DLG2: variants seen among roughly 807,000 people sequenced by gnomAD.
DLG2 encodes discs large MAGUK scaffold protein 2, also known as disks large homolog 2.
DLG2 carries 45 observed loss-of-function variants against 132.5 expected under a neutral mutation model. That is an observed-to-expected ratio of 0.34 (90% CI 0.27 to 0.44). DLG2 has a LOEUF of 0.44. Among genes scored for constraint, DLG2 ranks in the 20% least tolerant of loss-of-function variants. DLG2 has a pLI of 1.00. For synonymous variants in DLG2, 424 were observed against 419.6 expected (o/e 1.01, Z -0.13); for missense variants, 1,045 against 1,196.9 (o/e 0.87, Z 1.87).
chr11:85,073,714 T>C (rs544129585), intron 6 of DLG2, among the ~76,000 whole-genome samples: 6 of 151,980 alleles, frequency 3.9e-5, no homozygotes, highest in South Asian at 4.1e-4. Flanking sequence ...AAGTAGGATA[T>C]TGAATTACCA....
At chr11:85,453,165 C>T (rs967408005) in intron 3 of DLG2, 16 of 300,634 alleles carry the variant, frequency 5.3e-5, no homozygotes, top group Admixed American at 4.6e-4. Context: ...TCTTTTCCTT[C>T]TGATAGCATC....
At chr11:84,505,867 A>G (rs2099237918) in intron 7 of DLG2, among the ~76,000 whole-genome samples, 1 of 152,090 alleles carries the variant, frequency 6.6e-6, no homozygotes, top group Admixed American at 6.5e-5. Context: ...AATCTCATAC[A>G]TCTTAGCTTA....
At chr11:84,714,553 C>CTCTCTT (rs780891728) in intron 6 of DLG2, among the ~76,000 whole-genome samples, 7,885 of 108,886 alleles carry the variant, frequency 0.072, 599 homozygotes, top group South Asian at 0.095. Context: ...TTCTCTTTCT[C>CTCTCTT]TCTCTTTCTC....
rs1363976353 is a variant in DLG2 at position 84,934,505 on chromosome 11, TTTTTTTTTTGTTTTGTTTTG to T, written c.357+177136_357+177155del. On this transcript the variant is annotated intron_variant, in intron 6 of 27. Coordinates refer to ENST00000376104, the MANE Select transcript of DLG2 (RefSeq NM_001142699.3). Reference sequence around the variant, plus strand: ...CTGTGAATCTGTATGGTCCTGGGTGTTTTTTTTTTGTTTTGTTTTGTTTTTTTTTTTTTTTTTTTTTGGTG... The same window carrying T: ...CTGTGAATCTGTATGGTCCTGGGTGTTTTTTTTTTTTTTTTTTTTTTGGTG... Among the ~76,000 whole-genome samples the T allele has an allele frequency of 2.9e-4, 20 of 68,638 alleles. No individual in the cohort carries two copies. In the East Asian group the frequency reaches 6.9e-3, roughly 24 times the overall value. 45.0% of individuals were successfully genotyped at this position (68,638 alleles called of 152,430 possible).
chr11:85,109,624 A>C (rs149194418), intron 6 of DLG2, among the ~76,000 whole-genome samples: 1 of 152,260 alleles, frequency 6.6e-6, no homozygotes, highest in East Asian at 1.9e-4. Flanking sequence ...AAGTTCTTAT[A>C]TTAATATTTT....
At chr11:84,330,199 A>C (rs2098452339) in intron 7 of DLG2, among the ~76,000 whole-genome samples, 1 of 152,208 alleles carries the variant, frequency 6.6e-6, no homozygotes, top group Admixed American at 6.5e-5. Flanking sequence ...TGTAGTGCTT[A>C]TGAACAGAGA....
chr11:84,902,955 C>CT (rs1226203903), intron 6 of DLG2, among the ~76,000 whole-genome samples: 1 of 115,888 alleles, frequency 8.6e-6, no homozygotes, highest in Non-Finnish European at 2.0e-5. Context: ...AGGGTTCTTT[C>CT]TTCCTTTCCC....
intron 3 of DLG2, among the ~76,000 whole-genome samples, chr11:85,321,830 A>G (rs2081089319): frequency 6.6e-6 from 1 of 152,084 alleles, no homozygotes; most frequent in Non-Finnish European, 1.5e-5. Flanking sequence ...TGACGTGGTC[A>G]GCAAGAAGAG....
At chr11:85,084,036 T>C (rs372797642) in intron 6 of DLG2, among the ~76,000 whole-genome samples, 5 of 152,116 alleles carry the variant, frequency 3.3e-5, no homozygotes, top group African/African-American at 1.2e-4. Flanking sequence ...ACAAGAATTA[T>C]AGACACAGAA....
intron 3 of DLG2, among the ~76,000 whole-genome samples, chr11:85,491,247 T>C (rs2093554619): frequency 6.6e-6 from 1 of 152,010 alleles, no homozygotes. Flanking sequence ...ACTCTCGAAT[T>C]AGGCATAGAA....
At position 85,079,216 on chromosome 11, in the gene DLG2, G is replaced by C. The variant is rs557637279; in HGVS notation, c.357+32445C>G. Among the ~76,000 whole-genome samples, 39 of 152,180 alleles carry C rather than the reference G, an allele frequency of 2.6e-4. 1 individual carries two copies. The highest frequency in any genetic ancestry group is 8.9e-4 in the African/African-American group (37 of 41,554). On this transcript the variant is annotated intron_variant, in intron 6 of 27. Transcript: ENST00000376104. ...TGGCATCAGTAGAAGGGAGTGTCTA[G>C]GATAAGATAAGGGATTGTGGAGAAC...
At chr11:84,621,720 G>C (rs966994140) in intron 6 of DLG2, among the ~76,000 whole-genome samples, 24 of 152,046 alleles carry the variant, frequency 1.6e-4, no homozygotes, top group Admixed American at 5.9e-4. Flanking sequence ...CAATTACCTG[G>C]GCAAAGCATC....
intron 6 of DLG2, among the ~76,000 whole-genome samples, chr11:84,769,272 A>T (rs1243613966): frequency 6.6e-6 from 1 of 152,156 alleles, no homozygotes; most frequent in Non-Finnish European, 1.5e-5. Context: ...TAAAAAGAAG[A>T]TAAATATCTT....
intron 3 of DLG2, among the ~76,000 whole-genome samples, chr11:85,524,554 A>T (rs1295536160): frequency 6.6e-6 from 1 of 152,160 alleles, no homozygotes; most frequent in Admixed American, 6.5e-5. Context: ...ATGCAGTGGC[A>T]TGATCCCAGC....
intron 9 of DLG2, among the ~76,000 whole-genome samples, chr11:84,158,517 T>C (rs1442238183): frequency 6.6e-6 from 1 of 152,244 alleles, no homozygotes; most frequent in East Asian, 1.9e-4. Context: ...GGCTGAATCC[T>C]AACTCTATCT....
chr11:84,541,674 A>G (rs2099371736), intron 6 of DLG2, among the ~76,000 whole-genome samples: 1 of 152,162 alleles, frequency 6.6e-6, no homozygotes, highest in Non-Finnish European at 1.5e-5. Context: ...AATGACACAT[A>G]AAAAGAGATC....
At chr11:85,385,989 G>A (rs754388110) in intron 3 of DLG2, among the ~76,000 whole-genome samples, 12 of 152,168 alleles carry the variant, frequency 7.9e-5, no homozygotes, top group Non-Finnish European at 1.5e-5. Flanking sequence ...GTTCATCCTC[G>A]AGGAGAATTA....
At chr11:83,561,161 A>G (rs2096603680) in intron 19 of DLG2, among the ~76,000 whole-genome samples, 1 of 152,226 alleles carries the variant, frequency 6.6e-6, no homozygotes, top group African/African-American at 2.4e-5. Context: ...ACCATTCACA[A>G]GAAATCGCCC....
intron 6 of DLG2, among the ~76,000 whole-genome samples, chr11:84,904,669 T>C (rs2091298671): frequency 6.6e-6 from 1 of 152,174 alleles, no homozygotes; most frequent in Admixed American, 6.5e-5. Flanking sequence ...ATGTAGATAA[T>C]AAACCAATCT....
Sources: gnomAD v4.1 joint callset for allele counts (sites outside exome capture counted in the v4.1 genomes callset) on GRCh38, gnomAD v4.1.1 for gene constraint, MANE v1.5 for transcripts, NCBI Gene and HGNC (gene_info 2026-07-23, HGNC 2026-07-21) for gene names.